Variants in SUPT3H observed in about 807,000 individuals in gnomAD.
SUPT3H encodes transcription initiation protein SPT3 homolog.
In SUPT3H, 44 loss-of-function variants were observed where a neutral mutation model predicts 44.3. The ratio of observed to expected loss-of-function variants is 0.99; its 90% CI spans 0.78 to 1.28. SUPT3H has a LOEUF of 1.28. Among genes scored for constraint, SUPT3H ranks in the 50% most tolerant of loss-of-function variants. The pLI is 0.00. For synonymous variants in SUPT3H, 124 were observed against 125.6 expected (o/e 0.99, Z 0.09); for missense variants, 380 against 387.1 (o/e 0.98, Z 0.15).
chr6:45,060,473 T>G (rs1216376735), intron 3 of SUPT3H, among the ~76,000 whole-genome samples: 1 of 151,930 alleles, frequency 6.6e-6, no homozygotes, highest in Non-Finnish European at 1.5e-5. Flanking sequence ...AACTTAACTG[T>G]AAAACCCAAA....
chr6:45,162,391 G>C (rs1202416382), intron 2 of SUPT3H, among the ~76,000 whole-genome samples: 1 of 152,024 alleles, frequency 6.6e-6, no homozygotes, highest in Non-Finnish European at 1.5e-5. Flanking sequence ...AGCTGGGGTG[G>C]TGTGCACCTA....
At chr6:44,982,859 C>T (rs986178218) in intron 6 of SUPT3H, among the ~76,000 whole-genome samples, 2 of 152,200 alleles carry the variant, frequency 1.3e-5, no homozygotes, top group African/African-American at 4.8e-5. Context: ...AAAAACACCA[C>T]TACTCTGGCT....
intron 10 of SUPT3H, among the ~76,000 whole-genome samples, chr6:44,844,534 G>A (rs1436750361): frequency 1.3e-5 from 2 of 152,120 alleles, no homozygotes; most frequent in African/African-American, 2.4e-5. Context: ...TACACCCATA[G>A]AAGGGAACAC....
intron 10 of SUPT3H, among the ~76,000 whole-genome samples, chr6:44,858,528 A>C (rs1038285789): frequency 1.3e-5 from 2 of 152,178 alleles, no homozygotes; most frequent in Non-Finnish European, 2.9e-5. Flanking sequence ...CTCGGAGCAA[A>C]GGTGAAGTGA....
At chr6:45,335,254 AT>A (rs1190139428) in intron 2 of SUPT3H, among the ~76,000 whole-genome samples, 1 of 151,342 alleles carries the variant, frequency 6.6e-6, no homozygotes, top group Non-Finnish European at 1.5e-5. Flanking sequence ...AAGTGAAAAG[AT>A]ATAATTTTAC....
At chr6:45,201,637 C>T (rs1762471268) in intron 2 of SUPT3H, among the ~76,000 whole-genome samples, 1 of 151,762 alleles carries the variant, frequency 6.6e-6, no homozygotes, top group South Asian at 2.1e-4. Context: ...AGTAAATGTA[C>T]TTCACACATG....
intron 6 of SUPT3H, among the ~76,000 whole-genome samples, chr6:44,999,709 T>C (rs1384466802): frequency 6.6e-6 from 1 of 152,094 alleles, no homozygotes; most frequent in Non-Finnish European, 1.5e-5. Flanking sequence ...TGGTGTGTTC[T>C]AGTCTCCACA....
At chr6:45,218,671 T>C (rs911406673) in intron 2 of SUPT3H, among the ~76,000 whole-genome samples, 26 of 152,286 alleles carry the variant, frequency 1.7e-4, no homozygotes, top group African/African-American at 6.3e-4. Flanking sequence ...GAGGCGGAGG[T>C]TGCGGTGAGC....
intron 2 of SUPT3H, among the ~76,000 whole-genome samples, chr6:45,308,111 GA>G (rs575916904): frequency 4.7e-4 from 72 of 151,836 alleles, no homozygotes; most frequent in Admixed American, 1.3e-3. Flanking sequence ...GGGACTATGT[GA>G]AAAGACCAAA....
chr6:45,089,395 A>G (rs144441235), intron 3 of SUPT3H, among the ~76,000 whole-genome samples: 1 of 152,038 alleles, frequency 6.6e-6, no homozygotes, highest in African/African-American at 2.4e-5. Flanking sequence ...GGCGTCACCC[A>G]TTTCACTTGT....
chr6:45,236,325 G>A (rs1669247599), intron 2 of SUPT3H, among the ~76,000 whole-genome samples: 1 of 152,076 alleles, frequency 6.6e-6, no homozygotes, highest in African/African-American at 2.4e-5. Context: ...GGACACCCGA[G>A]TGCTCTTAAG....
chr6:45,166,678 A>G (rs902743853), intron 2 of SUPT3H, among the ~76,000 whole-genome samples: 4 of 152,182 alleles, frequency 2.6e-5, no homozygotes, highest in African/African-American at 7.2e-5. Context: ...AGGATAAAAC[A>G]AAAAGCAAAA....
At chr6:45,090,321 C>G (rs929848548) in intron 3 of SUPT3H, among the ~76,000 whole-genome samples, 6 of 152,046 alleles carry the variant, frequency 3.9e-5, no homozygotes, top group South Asian at 2.1e-4. Context: ...TTTTGGAGAA[C>G]AGCCATTAGG....
chr6:45,294,887 T>C (rs1780900368), intron 2 of SUPT3H, among the ~76,000 whole-genome samples: 1 of 151,578 alleles, frequency 6.6e-6, no homozygotes, highest in South Asian at 2.1e-4. Context: ...AATGGATGGG[T>C]AGAATCAATA....
intron 9 of SUPT3H, among the ~76,000 whole-genome samples, chr6:44,940,638 G>C (rs1015319218): frequency 7.9e-5 from 12 of 152,118 alleles, no homozygotes; most frequent in African/African-American, 2.9e-4. Flanking sequence ...GGGTGTTGAA[G>C]TTGTCCATTA....
At chr6:45,061,381 G>C (rs1791995357) in intron 3 of SUPT3H, among the ~76,000 whole-genome samples, 1 of 152,164 alleles carries the variant, frequency 6.6e-6, no homozygotes. Flanking sequence ...TCATTTATAA[G>C]TGGGAGCCAA....
chr6:45,022,887 C>T (rs1458203797), intron 3 of SUPT3H, among the ~76,000 whole-genome samples: 1 of 152,022 alleles, frequency 6.6e-6, no homozygotes, highest in Non-Finnish European at 1.5e-5. Flanking sequence ...AGAGGAGTTT[C>T]ACATCTCAGG....
At chr6:45,002,857 T>TA (rs1159107549) in intron 6 of SUPT3H, among the ~76,000 whole-genome samples, 1 of 91,980 alleles carries the variant, frequency 1.1e-5, no homozygotes, top group Admixed American at 1.3e-4. Context: ...ATAGAAACTA[T>TA]AAAAAAGTTG....
At chr6:44,902,384 A>G (rs976891518) in intron 10 of SUPT3H, among the ~76,000 whole-genome samples, 1 of 152,210 alleles carries the variant, frequency 6.6e-6, no homozygotes, top group Non-Finnish European at 1.5e-5. Flanking sequence ...TTGCAATCCT[A>G]GTCTCTGATA....
Sources: allele counts gnomAD v4.1 joint callset (sites outside exome capture counted in the v4.1 genomes callset), GRCh38; gene constraint gnomAD v4.1.1; transcripts MANE v1.5; gene names NCBI Gene and HGNC (gene_info 2026-07-23, HGNC 2026-07-21).